AGBL1: variants seen among roughly 807,000 people sequenced by gnomAD.
AGBL1 encodes AGBL carboxypeptidase 1, also known as cytosolic carboxypeptidase 4.
A neutral mutation model predicts 118.9 loss-of-function variants in AGBL1; 130 were observed. The ratio of observed to expected loss-of-function variants is 1.09; its 90% CI spans 0.95 to 1.26. The LOEUF is 1.26. AGBL1 is among the 50% of genes most tolerant of loss of function. The pLI is 0.00. For synonymous variants in AGBL1, 555 were observed against 478.9 expected, an observed-to-expected ratio of 1.16 and a Z score of -2.08; for missense variants, 1,584 against 1,298.1, an observed-to-expected ratio of 1.22 and a Z score of -3.38.
At chr15:86,442,417 T>G (rs1315796326) in intron 18 of AGBL1, among the ~76,000 whole-genome samples, 1 of 152,232 alleles carries the variant, frequency 6.6e-6, no homozygotes, top group Admixed American at 6.5e-5. Flanking sequence ...CTTCCTCATT[T>G]GTAAGTGAAT....
chr15:86,957,193 T>C (rs751985650), intron 23 of AGBL1, among the ~76,000 whole-genome samples: 7 of 152,102 alleles, frequency 4.6e-5, no homozygotes, highest in Non-Finnish European at 1.0e-4. Flanking sequence ...TTTTTATATA[T>C]TTTATTCAAT....
Position 86,397,423 on chromosome 15 carries a change from G to GT in AGBL1, c.2434dup (p.Trp812LeufsTer14), listed in dbSNP as rs765741949. On this transcript the variant is annotated frameshift_variant, in exon 18 of 23. Coordinates refer to ENST00000614907, the MANE Select transcript of AGBL1 (RefSeq NM_001386094.1). LOFTEE classifies it high-confidence loss of function. ...GTTCATCCAGGAGAGAGCAATGCCA[G>GT]TTGGGTGATGAAGGGTACCTTGGAG... 1 of 1,613,162 alleles carries GT rather than the reference G, an allele frequency of 6.2e-7. No individual in the cohort carries two copies. The highest frequency in any genetic ancestry group is 1.1e-5 in the South Asian group (1 of 91,008).
rs762223230 is a variant in AGBL1 at position 86,554,523 on chromosome 15, C to A, written c.2980C>A (p.Gln994Lys). The A allele has an allele frequency of 6.5e-7, 1 of 1,540,108 alleles. No homozygotes were observed. The highest frequency in any genetic ancestry group is 2.4e-5 in the East Asian group (1 of 41,700). The change falls in exon 21 of 23, where the codon CAG becomes AAG. Residue 994 changes from glutamine to lysine, a missense_variant. Physicochemically the swap from Gln to Lys is moderately conservative, Grantham distance 53. Coordinates refer to ENST00000614907, the MANE Select transcript of AGBL1 (RefSeq NM_001386094.1). ...GGAAAGCAGCTACTGTGGCTGCAAC[C>A]AGGGCCCTTATCAGGTATGTGAGGC... ...TMESSYCGCN[Q>K]GPYQGLQFGT...
intron 21 of AGBL1, among the ~76,000 whole-genome samples, chr15:86,593,934 T>G (rs1019456904): frequency 6.6e-6 from 1 of 152,028 alleles, no homozygotes; most frequent in Non-Finnish European, 1.5e-5. Context: ...TTTTTTTTTT[T>G]AATTTTGAAA....
At chr15:86,273,681 T>A (rs1327575341) in intron 15 of AGBL1, among the ~76,000 whole-genome samples, 1 of 152,218 alleles carries the variant, frequency 6.6e-6, no homozygotes, top group Non-Finnish European at 1.5e-5. Flanking sequence ...TTGGGAGAAC[T>A]TTACTTCCCT....
intron 6 of AGBL1, among the ~76,000 whole-genome samples, chr15:86,233,180 C>T (rs2078483927): frequency 6.6e-6 from 1 of 152,124 alleles, no homozygotes; most frequent in Admixed American, 6.5e-5. Flanking sequence ...AGATTATTCC[C>T]ACCTTCCACA....
At chr15:86,809,708 A>C (rs74027112) in intron 22 of AGBL1, among the ~76,000 whole-genome samples, 267 of 152,276 alleles carry the variant, frequency 1.8e-3, no homozygotes, top group African/African-American at 6.1e-3. Flanking sequence ...CATTTTCTAG[A>C]GATATGTAGC....
chr15:86,274,290 A>T (rs1022106259), intron 15 of AGBL1, among the ~76,000 whole-genome samples: 1 of 152,194 alleles, frequency 6.6e-6, no homozygotes, highest in Non-Finnish European at 1.5e-5. Flanking sequence ...AATTTTGATT[A>T]ACTTTCTAGA....
intron 17 of AGBL1, among the ~76,000 whole-genome samples, chr15:86,348,814 C>G (rs2080580468): frequency 6.7e-6 from 1 of 149,460 alleles, no homozygotes; most frequent in Non-Finnish European, 1.5e-5. Flanking sequence ...GAGGAGGATG[C>G]TGCAGTGGGT....
chr15:86,176,638 T>A (rs2077485588), intron 5 of AGBL1, among the ~76,000 whole-genome samples: 1 of 152,130 alleles, frequency 6.6e-6, no homozygotes, highest in South Asian at 2.1e-4. Flanking sequence ...TCCATGGATG[T>A]GGAAATTCAG....
At chr15:86,125,778 G>T (rs944702039) in intron 1 of AGBL1, among the ~76,000 whole-genome samples, 1 of 152,196 alleles carries the variant, frequency 6.6e-6, no homozygotes, top group East Asian at 1.9e-4. Flanking sequence ...CTATCATCAT[G>T]ACATTTACTT....
intron 16 of AGBL1, among the ~76,000 whole-genome samples, chr15:86,285,713 G>A (rs970505547): frequency 2.4e-4 from 37 of 152,076 alleles, no homozygotes; most frequent in Non-Finnish European, 4.6e-4. Context: ...GAGAATATTA[G>A]GCATTTGTTG....
At chr15:86,356,295 C>T (rs1357987712) in intron 17 of AGBL1, among the ~76,000 whole-genome samples, 1 of 151,734 alleles carries the variant, frequency 6.6e-6, no homozygotes, top group Non-Finnish European at 1.5e-5. Flanking sequence ...AGTAGAATAA[C>T]TTAGAAAAAG....
chr15:86,934,129 T>C (rs1258870093), intron 23 of AGBL1, among the ~76,000 whole-genome samples: 1 of 152,230 alleles, frequency 6.6e-6, no homozygotes, highest in East Asian at 1.9e-4. Flanking sequence ...TTCAAATTTA[T>C]GCTCAGAGGT....
At chr15:86,482,596 T>C (rs1324230159) in intron 18 of AGBL1, among the ~76,000 whole-genome samples, 2 of 152,082 alleles carry the variant, frequency 1.3e-5, no homozygotes, top group Non-Finnish European at 2.9e-5. Context: ...ATGTTTTATA[T>C]TAAGAAGCAG....
At chr15:86,517,035 C>A (rs1477148741) in intron 18 of AGBL1, among the ~76,000 whole-genome samples, 3 of 152,144 alleles carry the variant, frequency 2.0e-5, no homozygotes, top group Admixed American at 1.3e-4. Flanking sequence ...ACATTTTAAT[C>A]TTCTCTATTG....
At chr15:86,787,396 T>G (rs898647215) in intron 22 of AGBL1, among the ~76,000 whole-genome samples, 1 of 152,156 alleles carries the variant, frequency 6.6e-6, no homozygotes, top group Non-Finnish European at 1.5e-5. Context: ...ACTGCAAATT[T>G]GTACCCTTAA....
chr15:86,560,165 A>G (rs141029618), intron 21 of AGBL1, among the ~76,000 whole-genome samples: 3,422 of 151,842 alleles, frequency 0.023, 65 homozygotes, highest in Middle Eastern at 0.075. Flanking sequence ...ATATACTTTA[A>G]GTTCTAGGGT....
intron 18 of AGBL1, among the ~76,000 whole-genome samples, chr15:86,460,922 G>A (rs1256640582): frequency 6.6e-6 from 1 of 152,128 alleles, no homozygotes; most frequent in Non-Finnish European, 1.5e-5. Flanking sequence ...GTTGCATTTT[G>A]TTTCCGTTGA....
Sources: allele counts gnomAD v4.1 joint callset (sites outside exome capture counted in the v4.1 genomes callset), GRCh38; gene constraint gnomAD v4.1.1; transcripts MANE v1.5; gene names NCBI Gene and HGNC (gene_info 2026-07-23, HGNC 2026-07-21).